Variants in FMN2 observed in about 807,000 individuals in gnomAD.
FMN2 encodes formin-2.
Under a neutral mutation model 142.3 loss-of-function variants are expected in FMN2, and 51 were observed. The ratio of observed to expected loss-of-function variants is 0.36; its 90% CI spans 0.29 to 0.45. The LOEUF (loss-of-function observed/expected upper bound fraction) is 0.45, where lower values mean the gene tolerates loss of function less well. Among genes scored for constraint, FMN2 ranks in the 20% least tolerant of loss-of-function variants. FMN2 has a pLI of 1.00. For synonymous variants in FMN2, 882 were observed against 869.8 expected (o/e 1.01, Z -0.25); for missense variants, 1,936 against 2,122.8 (o/e 0.91, Z 1.73).
intron 6 of FMN2, among the ~76,000 whole-genome samples, chr1:240,226,671 G>T (rs891110685): frequency 1.3e-5 from 2 of 152,164 alleles, no homozygotes; most frequent in Non-Finnish European, 2.9e-5. Flanking sequence ...TGTGGCTGCA[G>T]TGAGCTATGA....
chr1:240,183,769 G>T (rs543410844), intron 3 of FMN2, among the ~76,000 whole-genome samples: 4 of 151,944 alleles, frequency 2.6e-5, no homozygotes, highest in Non-Finnish European at 5.9e-5. Flanking sequence ...GAAAGACATG[G>T]TATATCAGAA....
chr1:240,371,812 A>G (rs865781274), intron 14 of FMN2, among the ~76,000 whole-genome samples: 1 of 152,316 alleles, frequency 6.6e-6, no homozygotes, highest in Middle Eastern at 3.4e-3. Flanking sequence ...ATGGTTTCCT[A>G]AGTCTCCTCT....
At chr1:240,123,541 G>A (rs1330249525) in intron 2 of FMN2, among the ~76,000 whole-genome samples, 196 bp downstream of exon 2, 4 of 149,198 alleles carry the variant, frequency 2.7e-5, no homozygotes, top group South Asian at 2.1e-4. Context: ...AAAAACTAGC[G>A]TATTAAGTAC....
chr1:240,207,661 G>A lies in FMN2; in HGVS notation c.2849G>A (p.Gly950Glu). The change falls in exon 5 of 18, where the codon GGA (glycine) becomes GAA (glutamate). Residue 950 changes from glycine to glutamate, a missense_variant. Physicochemically the swap from Gly to Glu is moderately conservative, Grantham distance 98 (BLOSUM62 -2). Around this residue, in one of 8 missense-constraint regions of FMN2, gnomAD observed 63 missense variants for 86.3 expected, o/e 0.73. Transcript: ENST00000319653. ...AGIPPPPPLP[G>E]AAIPPPPPLP... is the part of the protein sequence containing the mutation. ...ATACCTCCTCCGCCCCCTCTACCCG[G>A]AGCGGCAATACCCCCTCCGCCCCCT... is the stretch of plus-strand genomic sequence containing the variant. 3.4e-6 allele frequency: 5 copies of A among 1,482,980 alleles called. No individual in the cohort carries two copies. Among genetic ancestry groups the A allele is most frequent in the Non-Finnish European group, 4.6e-6 (5 of 1,090,636 alleles). The allele number at this position is 1,482,980 out of a possible 1,614,324, so 91.9% of individuals were successfully genotyped here.
chr1:240,364,585 G>A (rs1368433162), intron 14 of FMN2, among the ~76,000 whole-genome samples: 1 of 152,080 alleles, frequency 6.6e-6, no homozygotes, highest in African/African-American at 2.4e-5. Flanking sequence ...TCTCTCTGAG[G>A]GTTAGATTTC....
intron 2 of FMN2, among the ~76,000 whole-genome samples, chr1:240,134,247 C>G (rs574625312): frequency 5.3e-4 from 80 of 152,278 alleles, no homozygotes; most frequent in African/African-American, 1.8e-3. Flanking sequence ...GCCATGATGA[C>G]TGCAGTGAGG....
chr1:240,154,129 A>AAAAAAAAAAAAAAAG lies in FMN2; in HGVS notation c.1783-23790_1783-23789insAAAAAAAAAAAAGAA, dbSNP rs3047192. The stretch of plus-strand genomic sequence containing the variant: ...CATCAAAAAAAAAAAAAAAAAAAAA[A>AAAAAAAAAAAAAAAG]AAGTGTTACTACCTACAAGGCCTAC... On this transcript the variant is annotated intron_variant, in intron 2 of 17. Transcript: ENST00000319653. Among the ~76,000 whole-genome samples the AAAAAAAAAAAAAAAG allele has an allele frequency of 5.3e-4, 54 of 102,188 alleles. 4 individuals are homozygous for AAAAAAAAAAAAAAAG. Among genetic ancestry groups the AAAAAAAAAAAAAAAG allele is most frequent in the Middle Eastern group, 9.3e-3 (1 of 108 alleles). 67.0% of individuals were successfully genotyped at this position (102,188 alleles called of 152,430 possible).
rs1661005991 is a variant in FMN2 at position 240,092,316 on chromosome 1, C to A, written c.207C>A (p.Asp69Glu). The A allele has an allele frequency of 6.2e-7, 1 of 1,603,208 alleles. No homozygotes were observed. The highest frequency in any genetic ancestry group is 1.1e-5 in the South Asian group (1 of 90,142). Residue 69 changes from aspartate to glutamate, a missense_variant, in exon 1 of 18, where the codon GAC (aspartate) becomes GAA (glutamate). By Grantham distance (45) the Asp-to-Glu change is conservative. Coordinates refer to ENST00000319653, the MANE Select transcript of FMN2 (RefSeq NM_020066.5). ...GESGKKKSKS[D>E]SRASVFSNLR... ...CGGGCAAGAAGAAGAGCAAGTCCGA[C>A]TCCAGAGCCTCGGTGTTTTCCAACC...
chr1:240,283,420 C>T (rs1669482321), intron 7 of FMN2, among the ~76,000 whole-genome samples: 1 of 152,204 alleles, frequency 6.6e-6, no homozygotes, highest in Non-Finnish European at 1.5e-5. Context: ...TTGGCTTTCA[C>T]TTTCTCAGGC....
intron 14 of FMN2, among the ~76,000 whole-genome samples, chr1:240,361,780 A>C (rs1672493092): frequency 6.6e-6 from 1 of 152,224 alleles, no homozygotes; most frequent in African/African-American, 2.4e-5. Flanking sequence ...CATCATAAGC[A>C]AGGTGATTCT....
intron 7 of FMN2, among the ~76,000 whole-genome samples, chr1:240,289,310 A>C (rs927163925): frequency 1.3e-5 from 2 of 152,132 alleles, no homozygotes; most frequent in African/African-American, 2.4e-5. Context: ...AATGTAAGGC[A>C]TGTACTAACA....
intron 15 of FMN2, among the ~76,000 whole-genome samples, chr1:240,406,212 G>C (rs1362489393): frequency 1.0e-5 from 1 of 99,008 alleles, no homozygotes; most frequent in Non-Finnish European, 1.9e-5. Context: ...GGGAGCGAAG[G>C]GAAGCAGCCT....
At chr1:240,410,522 A>G (rs373695784) in intron 15 of FMN2, among the ~76,000 whole-genome samples, 2 of 152,234 alleles carry the variant, frequency 1.3e-5, no homozygotes, top group African/African-American at 2.4e-5. Context: ...CTAGATTTCT[A>G]GATTTTTTTC....
intron 15 of FMN2, among the ~76,000 whole-genome samples, chr1:240,433,568 A>G (rs1485582212): frequency 2.0e-5 from 3 of 152,198 alleles, no homozygotes; most frequent in African/African-American, 4.8e-5. Context: ...TTGGGTCAGT[A>G]CTAAGAGTTC....
Position 240,191,561 on chromosome 1 carries a change from C to T in FMN2, c.1986+3299C>T, listed in dbSNP as rs185345590. Among the ~76,000 whole-genome samples, 9 of 152,248 alleles carry T rather than the reference C, an allele frequency of 5.9e-5. No homozygotes were observed. The East Asian group carries it at 9.6e-4, about 16-fold the overall frequency. ...AGAATTATGTCATAAAACTGAAATGCGACTGTCTTTTGATTCTGTTTATTA... is the reference window on the plus strand; with the variant it reads ...AGAATTATGTCATAAAACTGAAATGTGACTGTCTTTTGATTCTGTTTATTA... On this transcript the variant is annotated intron_variant, in intron 4 of 17. Transcript: ENST00000319653.
At position 240,344,176 on chromosome 1, in the gene FMN2, A is replaced by G. The variant is rs1459923836; in HGVS notation, c.4765+9947A>G. On this transcript the variant is annotated intron_variant, in intron 13 of 17. Transcript: ENST00000319653. ...GAATTTGTGAGACCAGTTTGGAAAC[A>G]ATTGTGATTTTGACAAAGGAGGGAG... Among the ~76,000 whole-genome samples, 4 of 152,214 alleles carry G rather than the reference A, an allele frequency of 2.6e-5. No individual in the cohort carries two copies. In the East Asian group the frequency reaches 7.7e-4, roughly 29 times the overall value.
intron 2 of FMN2, among the ~76,000 whole-genome samples, chr1:240,126,845 A>G (rs1662529050): frequency 1.3e-5 from 2 of 152,140 alleles, no homozygotes; most frequent in Admixed American, 1.3e-4. Context: ...CAGAATGCAT[A>G]GGCTAATTAA....
At chr1:240,433,384 C>CT (rs1675246689) in intron 15 of FMN2, among the ~76,000 whole-genome samples, 2 of 152,180 alleles carry the variant, frequency 1.3e-5, no homozygotes, top group Non-Finnish European at 2.9e-5. Flanking sequence ...GCGAGGAAAA[C>CT]ATTTCTAACT....
intron 16 of FMN2, among the ~76,000 whole-genome samples, chr1:240,444,641 A>G (rs1291168211): frequency 6.6e-6 from 1 of 152,214 alleles, no homozygotes; most frequent in Non-Finnish European, 1.5e-5. Context: ...GTCTTGTTTC[A>G]GCCCAGCTGA....
Sources: allele counts gnomAD v4.1 joint callset (sites outside exome capture counted in the v4.1 genomes callset), GRCh38; gene constraint gnomAD v4.1.1; regional missense constraint gnomAD v4.1.1; transcripts MANE v1.5; gene names NCBI Gene and HGNC (gene_info 2026-07-23, HGNC 2026-07-21).